Variants in PRDM2 observed in about 807,000 individuals in gnomAD.
PRDM2 encodes the protein PR/SET domain 2.
Under a neutral mutation model 130.0 loss-of-function variants are expected in PRDM2, and 30 were observed. The ratio of observed to expected loss-of-function variants is 0.23; its 90% CI spans 0.17 to 0.31. PRDM2 has a LOEUF of 0.31. Ranked by LOEUF, PRDM2 falls within the 10% of genes least tolerant of loss-of-function variation. The pLI is 1.00. For synonymous variants in PRDM2, 871 were observed against 782.4 expected (o/e 1.11, Z -1.89); for missense variants, 2,011 against 2,108.4 (o/e 0.95, Z 0.90).
At chr1:13,721,689 C>G (rs975994468) in intron 2 of PRDM2, among the ~76,000 whole-genome samples, 1 of 152,162 alleles carries the variant, frequency 6.6e-6, no homozygotes, top group Non-Finnish European at 1.5e-5. Flanking sequence ...ACCTGAATAG[C>G]ATTTCCTTAA....
At chr1:13,764,813 A>G (rs975604357) in intron 6 of PRDM2, among the ~76,000 whole-genome samples, 2 of 152,240 alleles carry the variant, frequency 1.3e-5, no homozygotes, top group Admixed American at 1.3e-4. Flanking sequence ...TTTTAATACC[A>G]TGAGCTACCT....
At chr1:13,748,327 G>A (rs1337103343) in intron 5 of PRDM2, among the ~76,000 whole-genome samples, 1 of 152,152 alleles carries the variant, frequency 6.6e-6, no homozygotes, top group Non-Finnish European at 1.5e-5. Context: ...AATCATTACT[G>A]TGATGATTGC....
intron 6 of PRDM2, chr1:13,772,340 G>A (rs1031785704): frequency 9.2e-5 from 14 of 152,172 alleles, no homozygotes; most frequent in Admixed American, 2.6e-4. Context: ...CTTTAGTTCC[G>A]TTGTTCCAAC....
At chr1:13,800,063 C>G (rs1244119240) in intron 8 of PRDM2, among the ~76,000 whole-genome samples, 2 of 151,868 alleles carry the variant, frequency 1.3e-5, no homozygotes, top group Non-Finnish European at 2.9e-5. Context: ...CAGATCTTGG[C>G]CATTCATTCA....
Position 13,782,370 on chromosome 1 carries a change from A to G in PRDM2, c.4575A>G (p.Gln1525=), listed in dbSNP as rs374959482. ...RRTADAEIKM[Q]SMQTPLGKTR... ...CAGCGGATGCGGAGATTAAAATGCAAAGCATGCAGACTCCGTTGGGCAAGA... is the reference window on the plus strand; with the variant it reads ...CAGCGGATGCGGAGATTAAAATGCAGAGCATGCAGACTCCGTTGGGCAAGA... Residue 1525 remains glutamine (Q), a synonymous_variant, in exon 8 of 10, where the codon CAA becomes CAG. Transcript: ENST00000311066. 1.2e-6 allele frequency: 2 copies of G among 1,613,824 alleles called. No individual in the cohort carries two copies. The highest frequency in any genetic ancestry group is 1.3e-5 in the African/African-American group (1 of 74,814).
chr1:13,728,318 A>G (rs1642992543), intron 2 of PRDM2, among the ~76,000 whole-genome samples: 2 of 152,240 alleles, frequency 1.3e-5, no homozygotes, highest in African/African-American at 4.8e-5. Context: ...ACACAGCTAT[A>G]CAAATAAGCA....
At chr1:13,730,955 A>G in intron 2 of PRDM2, 45 bp from the exon 3 acceptor site, 4 of 1,228,432 alleles carry the variant, frequency 3.3e-6, no homozygotes, top group Non-Finnish European at 2.2e-6. Context: ...CCATGATTTG[A>G]GTTTTCTTTC....
At chr1:13,726,112 G>A (rs1209823215) in intron 2 of PRDM2, among the ~76,000 whole-genome samples, 1 of 152,242 alleles carries the variant, frequency 6.6e-6, no homozygotes, top group African/African-American at 2.4e-5. Context: ...TTGGTAGTGT[G>A]CAGATTAAAT....
At chr1:13,735,658 C>T (rs193117656) in intron 4 of PRDM2, among the ~76,000 whole-genome samples, 42 of 152,288 alleles carry the variant, frequency 2.8e-4, no homozygotes, top group African/African-American at 1.0e-3. Flanking sequence ...ACTGCCTTCC[C>T]CATTATCAAC....
At position 13,752,816 on chromosome 1, in the gene PRDM2, C is replaced by T. The variant is rs1376987040; in HGVS notation, c.511+3329C>T. Reference sequence around the variant, plus strand: ...GTGTGCGATCTTGGACAGCTCATGTCACCTTTCTGAGATGAAGTTTCCCTA... The same window carrying T: ...GTGTGCGATCTTGGACAGCTCATGTTACCTTTCTGAGATGAAGTTTCCCTA... On this transcript the variant is annotated intron_variant, in intron 6 of 9. Coordinates refer to ENST00000311066, the MANE Select transcript of PRDM2 (RefSeq NM_001393986.1). Among the ~76,000 whole-genome samples, 3 of 152,188 alleles carry T rather than the reference C, an allele frequency of 2.0e-5. No homozygotes were observed. In the East Asian group the frequency reaches 5.8e-4, roughly 29 times the overall value.
At chr1:13,795,811 C>T (rs1405285525) in intron 8 of PRDM2, among the ~76,000 whole-genome samples, 1 of 152,188 alleles carries the variant, frequency 6.6e-6, no homozygotes, top group Non-Finnish European at 1.5e-5. Context: ...GATGAACCTA[C>T]TCTCTAGGGT....
chr1:13,762,356 T>C (rs1644119923), intron 6 of PRDM2, among the ~76,000 whole-genome samples: 1 of 152,244 alleles, frequency 6.6e-6, no homozygotes, highest in African/African-American at 2.4e-5. Flanking sequence ...CCTACTATTG[T>C]GAGTGCCACC....
At chr1:13,703,380 C>G (rs544696704) in intron 1 of PRDM2, among the ~76,000 whole-genome samples, 10 of 152,164 alleles carry the variant, frequency 6.6e-5, no homozygotes, top group Non-Finnish European at 1.3e-4. Context: ...GCACTTGAAC[C>G]GCTGCAGTGA....
At position 13,782,267 on chromosome 1, in the gene PRDM2, C is replaced by G; in HGVS notation, c.4472C>G (p.Ser1491Cys). ...KPLSPPKKKV[S>C]HSSKKGGHSS... ...CTTTCTCCTCCCAAAAAAAAAGTTT[C>G]TCATTCATCTAAGAAAGGTGGACAC... Residue 1491 changes from serine to cysteine, a missense_variant, in exon 8 of 10, where the codon TCT (serine) becomes TGT (cysteine). By Grantham distance (112) the Ser-to-Cys change is moderately radical. This residue lies in a region of PRDM2 where 410 missense variants were observed against 395.9 expected (regional missense o/e 1.04). Coordinates refer to ENST00000311066, the MANE Select transcript of PRDM2 (RefSeq NM_001393986.1). 6.2e-7 allele frequency: 1 copy of G among 1,613,860 alleles called. No individual in the cohort carries two copies. Among genetic ancestry groups the G allele is most frequent in the Non-Finnish European group, 8.5e-7 (1 of 1,179,996 alleles).
At chr1:13,769,007 G>C in intron 6 of PRDM2, 1 of 411,382 alleles carries the variant, frequency 2.4e-6, no homozygotes, top group Non-Finnish European at 3.3e-6. Context: ...TTCTCATCTT[G>C]ATGTATTCAT....
chr1:13,819,446 G>A (rs964808625), intron 9 of PRDM2, among the ~76,000 whole-genome samples: 1 of 152,114 alleles, frequency 6.6e-6, no homozygotes, highest in Non-Finnish European at 1.5e-5. Context: ...AACAACGAAG[G>A]CTCCAAACTC....
At position 13,779,928 on chromosome 1, in the gene PRDM2, A is replaced by G. The variant is rs1470952663; in HGVS notation, c.2133A>G (p.Ile711Met). ...LTPAGISATE[I>M]AKLGPVCVSA... is the part of the protein sequence containing the mutation. The stretch of plus-strand genomic sequence containing the variant: ...CTGCAGGGATTTCAGCAACTGAAAT[A>G]GCTAAATTAGGTCCTGTTTGTGTGT... The change falls in exon 8 of 10, where the codon ATA becomes ATG. Residue 711 changes from isoleucine (I) to methionine (M), a missense_variant. Transcript: ENST00000311066. This position sits in a 1 kb window ranked among gnomAD's most constrained non-coding sequence, Gnocchi z 4.9. The G allele has an allele frequency of 8.7e-6, 14 of 1,614,214 alleles. No individual in the cohort carries two copies. The highest frequency in any genetic ancestry group is 1.1e-5 in the Non-Finnish European group (13 of 1,180,012).
chr1:13,766,270 C>T (rs569298168), intron 6 of PRDM2, among the ~76,000 whole-genome samples: 1 of 152,088 alleles, frequency 6.6e-6, no homozygotes, highest in Non-Finnish European at 1.5e-5. Flanking sequence ...CTAGGAAGGG[C>T]CCTCTTATGT....
intron 6 of PRDM2, among the ~76,000 whole-genome samples, chr1:13,751,798 G>T (rs768355017): frequency 3.3e-5 from 5 of 152,114 alleles, no homozygotes; most frequent in Non-Finnish European, 5.9e-5. Context: ...GCTCCTTTGC[G>T]TGACAGCTGC....
Sources: allele counts gnomAD v4.1 joint callset (sites outside exome capture counted in the v4.1 genomes callset), GRCh38; gene constraint gnomAD v4.1.1; regional missense constraint gnomAD v4.1.1; non-coding constraint Gnocchi (gnomAD v3.1); transcripts MANE v1.5; gene names NCBI Gene and HGNC (gene_info 2026-07-23, HGNC 2026-07-21).